LEPR: variants seen among roughly 807,000 people sequenced by gnomAD.
LEPR encodes OB receptor.
In LEPR, 56 loss-of-function variants were observed where a neutral mutation model predicts 114.7. The ratio of observed to expected loss-of-function variants is 0.49; its 90% CI spans 0.39 to 0.61. The LOEUF is 0.61. LEPR is among the 20% of genes least tolerant of loss of function. The probability of loss-of-function intolerance (pLI) is 0.00; values close to 1 mark genes in which losing one functional copy is unlikely to be tolerated. For missense variants in LEPR, 1,202 were observed against 1,352.9 expected, an observed-to-expected ratio of 0.89 and a Z score of 1.75; for synonymous variants, 443 against 461.4, an observed-to-expected ratio of 0.96 and a Z score of 0.51.
chr1:65,624,288 A>C (rs971529302), intron 19 of LEPR, among the ~76,000 whole-genome samples: 2 of 152,156 alleles, frequency 1.3e-5, no homozygotes, highest in African/African-American at 4.8e-5. Flanking sequence ...GTACATATTT[A>C]TGTATTTTAT....
chr1:65,615,744 T>C (rs1009881966), intron 14 of LEPR, among the ~76,000 whole-genome samples: 11 of 152,224 alleles, frequency 7.2e-5, no homozygotes, highest in Non-Finnish European at 1.2e-4. Context: ...TCAAGTGATT[T>C]ATTCTCTGGG....
chr1:65,526,336 T>A, intron 2 of LEPR: 1 of 985,376 alleles, frequency 1.0e-6, no homozygotes, highest in Non-Finnish European at 1.2e-6. Context: ...AGTAGCAGCA[T>A]CAGCAGCAAA....
Position 65,601,643 on chromosome 1 carries a change from C to T in LEPR, c.1246C>T (p.His416Tyr), listed in dbSNP as rs144710810. The change falls in exon 9 of 20, where the codon CAT becomes TAT. Residue 416 changes from histidine (H) to tyrosine (Y), a missense_variant. Transcript: ENST00000349533. ...TGATGCAGTGTACTGCTGCAATGAA[C>T]ATGAATGCCATCATCGCTATGCTGA... The part of the protein sequence containing the change: ...TYDAVYCCNE[H>Y]ECHHRYAELY... The T allele has an allele frequency of 6.0e-4, 961 of 1,613,648 alleles. No homozygotes were observed. Among genetic ancestry groups the T allele is most frequent in the Non-Finnish European group, 7.6e-4 (896 of 1,179,712 alleles).
intron 2 of LEPR, among the ~76,000 whole-genome samples, chr1:65,466,342 G>A (rs1302237891): frequency 6.6e-6 from 1 of 152,174 alleles, no homozygotes; most frequent in Non-Finnish European, 1.5e-5. Flanking sequence ...TAAGAAGGTT[G>A]AATATTGGCC....
chr1:65,611,671 GTTC>G (rs1433492150), intron 14 of LEPR, among the ~76,000 whole-genome samples: 4 of 152,194 alleles, frequency 2.6e-5, no homozygotes, highest in Admixed American at 2.6e-4. Context: ...TCTCCAGACA[GTTC>G]TTATGTTTTC....
intron 2 of LEPR, among the ~76,000 whole-genome samples, chr1:65,556,486 G>C (rs891800844): frequency 6.6e-6 from 1 of 152,034 alleles, no homozygotes. Flanking sequence ...TCAAGGGATT[G>C]TTAACCCCTT....
At chr1:65,628,739 A>G (rs1380918221) in intron 19 of LEPR, among the ~76,000 whole-genome samples, 1 of 152,158 alleles carries the variant, frequency 6.6e-6, no homozygotes, top group East Asian at 1.9e-4. Context: ...ATTTATTACA[A>G]AAAGTGCTGC....
At chr1:65,572,567 T>G in intron 5 of LEPR, 118 bp downstream of exon 5, 1 of 1,054,416 alleles carries the variant, frequency 9.5e-7, no homozygotes, top group Non-Finnish European at 1.3e-6. Flanking sequence ...ATATGTTTTA[T>G]TTTTTAATAT....
intron 2 of LEPR, among the ~76,000 whole-genome samples, chr1:65,471,968 T>C (rs1334446553): frequency 6.6e-6 from 1 of 152,222 alleles, no homozygotes; most frequent in East Asian, 1.9e-4. Context: ...TTCATCTCTC[T>C]GGCCTGTAAA....
intron 4 of LEPR, among the ~76,000 whole-genome samples, chr1:65,571,482 AG>A (rs759241082): frequency 4.9e-4 from 75 of 152,114 alleles, no homozygotes; most frequent in Non-Finnish European, 9.4e-4. Flanking sequence ...CTTTTGGAAA[AG>A]CTAGGAAGAG....
At chr1:65,575,903 C>T (rs1654551311) in intron 5 of LEPR, among the ~76,000 whole-genome samples, 2 of 151,396 alleles carry the variant, frequency 1.3e-5, no homozygotes, top group South Asian at 4.1e-4. Context: ...AAACATACTT[C>T]TTCATCTGCG....
chr1:65,527,636 T>A (rs1650063562), intron 2 of LEPR, among the ~76,000 whole-genome samples: 1 of 152,192 alleles, frequency 6.6e-6, no homozygotes, highest in Admixed American at 6.5e-5. Context: ...TAAAACAATC[T>A]TTTCTCACCC....
chr1:65,603,581 G>T (rs1013818499), intron 10 of LEPR, among the ~76,000 whole-genome samples: 1 of 152,154 alleles, frequency 6.6e-6, no homozygotes, highest in African/African-American at 2.4e-5. Flanking sequence ...AAGACTTTAT[G>T]TCAAGTTTGT....
intron 2 of LEPR, among the ~76,000 whole-genome samples, chr1:65,533,051 A>G (rs1238661333): frequency 6.6e-6 from 1 of 152,218 alleles, no homozygotes; most frequent in Non-Finnish European, 1.5e-5. Flanking sequence ...ATATTTCTAT[A>G]TGCCATCAAG....
At chr1:65,431,249 C>T (rs1646479018) in intron 2 of LEPR, among the ~76,000 whole-genome samples, 1 of 152,124 alleles carries the variant, frequency 6.6e-6, no homozygotes, top group Non-Finnish European at 1.5e-5. Context: ...AAGAAACTTT[C>T]ATTGATGTTT....
rs1484674491 is a variant in LEPR at position 65,570,622 on chromosome 1, T to C, written c.190T>C (p.Tyr64His). The change falls in exon 4 of 20, where the codon TAT becomes CAT. Residue 64 changes from tyrosine (Y) to histidine (H), a missense_variant. By Grantham distance (83) the Tyr-to-His change is moderately conservative. Transcript: ENST00000349533. ...GAATACTTCAAATTCGAATGGACAT[T>C]ATGAGACAGCTGTTGAACCTAAGTT... ...SKNTSNSNGH[Y>H]ETAVEPKFNS... 1 of 1,613,886 alleles carries C rather than the reference T, an allele frequency of 6.2e-7. No homozygotes were observed.
intron 2 of LEPR, chr1:65,526,378 C>G: frequency 3.0e-6 from 3 of 985,412 alleles, no homozygotes; most frequent in Non-Finnish European, 3.6e-6. Context: ...AAACCACTTA[C>G]TGAAAGAGAT....
chr1:65,620,156 G>A, intron 17 of LEPR, 133 bp downstream of exon 17: 1 of 713,814 alleles, frequency 1.4e-6, no homozygotes, highest in Non-Finnish European at 2.4e-6. Flanking sequence ...GATTTTTCAT[G>A]GTGAGGTTCC....
intron 2 of LEPR, among the ~76,000 whole-genome samples, chr1:65,492,825 T>TC (rs397971402): frequency 6.6e-6 from 1 of 151,456 alleles, no homozygotes; most frequent in African/African-American, 2.4e-5. Context: ...TTTTTTTTTT[T>TC]CCAAAAAAGT....
Sources: allele counts gnomAD v4.1 joint callset (sites outside exome capture counted in the v4.1 genomes callset), GRCh38; gene constraint gnomAD v4.1.1; transcripts MANE v1.5; gene names NCBI Gene and HGNC (gene_info 2026-07-23, HGNC 2026-07-21).